RIMS1: variants seen among roughly 807,000 people sequenced by gnomAD.
RIMS1 encodes the protein regulating synaptic membrane exocytosis 1.
RIMS1 carries 83 observed loss-of-function variants against 214.1 expected under a neutral mutation model. The observed-to-expected ratio is 0.39, with a 90% CI of 0.32 to 0.47. The LOEUF is 0.47. Among genes scored for constraint, RIMS1 ranks in the 20% least tolerant of loss-of-function variants. The probability of loss-of-function intolerance (pLI) is 0.99; values close to 1 mark genes in which losing one functional copy is unlikely to be tolerated. For missense variants in RIMS1, 2,050 were observed against 2,161.8 expected (o/e 0.95, Z 1.03); for synonymous variants, 793 against 786.8 (o/e 1.01, Z -0.13).
chr6:71,992,918 T>G (rs1802330582), intron 2 of RIMS1, among the ~76,000 whole-genome samples: 1 of 152,154 alleles, frequency 6.6e-6, no homozygotes, highest in Non-Finnish European at 1.5e-5. Context: ...GTCTTGGCCT[T>G]CCAAAGTGCA....
intron 22 of RIMS1, among the ~76,000 whole-genome samples, chr6:72,269,024 C>T (rs1196382990): frequency 6.6e-6 from 1 of 152,100 alleles, no homozygotes; most frequent in Non-Finnish European, 1.5e-5. Context: ...ATTTTTAGAG[C>T]CACTAGAGAA....
intron 1 of RIMS1, among the ~76,000 whole-genome samples, chr6:71,930,670 A>C (rs1213530655): frequency 6.6e-6 from 1 of 151,964 alleles, no homozygotes; most frequent in Non-Finnish European, 1.5e-5. Context: ...GTCCCCTATG[A>C]TTTCCCTTGT....
chr6:72,357,737 A>G (rs1428152312), intron 29 of RIMS1, among the ~76,000 whole-genome samples: 1 of 152,168 alleles, frequency 6.6e-6, no homozygotes, highest in African/African-American at 2.4e-5. Context: ...TATGATATTC[A>G]ACATTTAGCA....
chr6:71,982,044 C>T (rs541986132), intron 2 of RIMS1, among the ~76,000 whole-genome samples: 1 of 151,954 alleles, frequency 6.6e-6, no homozygotes, highest in African/African-American at 2.4e-5. Flanking sequence ...TTGATAATGG[C>T]AAACCAAGCC....
intron 29 of RIMS1, among the ~76,000 whole-genome samples, chr6:72,357,243 T>C (rs1355256350): frequency 6.6e-6 from 1 of 152,148 alleles, no homozygotes; most frequent in African/African-American, 2.4e-5. Flanking sequence ...CTCAACTAGG[T>C]TCAGTTGGAG....
intron 28 of RIMS1, among the ~76,000 whole-genome samples, chr6:72,322,482 CAAT>C (rs2096226799): frequency 6.6e-6 from 1 of 152,016 alleles, no homozygotes; most frequent in Non-Finnish European, 1.5e-5. Flanking sequence ...CAAAAATAAG[CAAT>C]AATATTACAT....
chr6:72,366,599 C>G, intron 29 of RIMS1: 1 of 725,414 alleles, frequency 1.4e-6, no homozygotes, highest in Non-Finnish European at 1.7e-6. Flanking sequence ...ACTTCATGGT[C>G]TTACAATAAG....
chr6:72,224,793 G>A (rs1385149244), intron 6 of RIMS1, among the ~76,000 whole-genome samples: 1 of 152,142 alleles, frequency 6.6e-6, no homozygotes, highest in South Asian at 2.1e-4. Flanking sequence ...GTCACATGGA[G>A]TTGGAGTACA....
At chr6:72,011,718 C>G (rs1448315810) in intron 2 of RIMS1, among the ~76,000 whole-genome samples, 1 of 152,166 alleles carries the variant, frequency 6.6e-6, no homozygotes, top group African/African-American at 2.4e-5. Flanking sequence ...AGCCAAAAGA[C>G]ACATGAAAAA....
At chr6:72,036,739 T>C (rs1819717198) in intron 2 of RIMS1, among the ~76,000 whole-genome samples, 2 of 152,162 alleles carry the variant, frequency 1.3e-5, no homozygotes, top group African/African-American at 4.8e-5. Flanking sequence ...AATAACTAGA[T>C]ATATTCTTCA....
intron 26 of RIMS1, among the ~76,000 whole-genome samples, chr6:72,302,496 C>G (rs776412259): frequency 2.0e-5 from 3 of 150,292 alleles, no homozygotes; most frequent in Non-Finnish European, 3.0e-5. Flanking sequence ...TTAATCTCAG[C>G]TTTTTTTTTC....
chr6:72,181,689 G>A (rs896845525), intron 5 of RIMS1, among the ~76,000 whole-genome samples: 1 of 152,230 alleles, frequency 6.6e-6, no homozygotes, highest in African/African-American at 2.4e-5. Context: ...AGGAAGAGAG[G>A]TGGCCAGTGT....
At chr6:71,919,444 C>T (rs1021231154) in intron 1 of RIMS1, among the ~76,000 whole-genome samples, 6 of 151,792 alleles carry the variant, frequency 4.0e-5, no homozygotes, top group East Asian at 1.9e-4. Context: ...ATTATCAGTT[C>T]GGTTTTGGCA....
intron 29 of RIMS1, among the ~76,000 whole-genome samples, chr6:72,345,243 AG>A (rs1464016073): frequency 6.6e-6 from 1 of 151,700 alleles, no homozygotes; most frequent in Non-Finnish European, 1.5e-5. Flanking sequence ...AAAGGCAAAA[AG>A]AAGATATATA....
chr6:72,226,570 C>T (rs972067966), intron 6 of RIMS1, among the ~76,000 whole-genome samples: 2 of 151,678 alleles, frequency 1.3e-5, no homozygotes, highest in South Asian at 2.1e-4. Flanking sequence ...AATGAATTAC[C>T]GGAAGTTAGG....
chr6:72,152,568 T>C (rs1029720989), intron 4 of RIMS1, among the ~76,000 whole-genome samples: 1 of 151,978 alleles, frequency 6.6e-6, no homozygotes, highest in African/African-American at 2.4e-5. Context: ...ATATCTACAA[T>C]GTATGTGCAT....
intron 31 of RIMS1, among the ~76,000 whole-genome samples, chr6:72,397,495 T>G (rs1671342040): frequency 6.6e-6 from 1 of 152,186 alleles, no homozygotes; most frequent in Non-Finnish European, 1.5e-5. Flanking sequence ...TAGTGCAAAC[T>G]GGAACAACCT....
chr6:72,236,959 A>G lies in RIMS1; in HGVS notation c.1858-864A>G, dbSNP rs555519077. Among the ~76,000 whole-genome samples, 135 of 152,140 alleles carry G rather than the reference A, an allele frequency of 8.9e-4. 1 individual carries two copies. Among genetic ancestry groups the G allele is most frequent in the African/African-American group, 3.2e-3 (134 of 41,524 alleles). Reference sequence around the variant, plus strand: ...CATGCCTTTAATCTCAACACTTTGGAAGGCAAAGGTGAGAGGGTCACTTGA... The same window carrying G: ...CATGCCTTTAATCTCAACACTTTGGGAGGCAAAGGTGAGAGGGTCACTTGA... On this transcript the variant is annotated intron_variant, in intron 8 of 33. Coordinates refer to ENST00000521978, the MANE Select transcript of RIMS1 (RefSeq NM_014989.7).
chr6:72,301,555 T>G (rs1244512939), intron 26 of RIMS1, among the ~76,000 whole-genome samples: 1 of 151,652 alleles, frequency 6.6e-6, no homozygotes, highest in East Asian at 1.9e-4. Context: ...CTTTTTTTTC[T>G]TGTCATTATT....
Sources: allele counts gnomAD v4.1 joint callset (sites outside exome capture counted in the v4.1 genomes callset), GRCh38; gene constraint gnomAD v4.1.1; transcripts MANE v1.5; gene names NCBI Gene and HGNC (gene_info 2026-07-23, HGNC 2026-07-21).